CDC40: variants seen among roughly 807,000 people sequenced by gnomAD.
The protein encoded by CDC40 is cell division cycle 40.
Under a neutral mutation model 80.6 loss-of-function variants are expected in CDC40, and 27 were observed. The ratio of observed to expected loss-of-function variants is 0.33; its 90% CI spans 0.25 to 0.46. The LOEUF (loss-of-function observed/expected upper bound fraction) is 0.46, where lower values mean the gene tolerates loss of function less well. CDC40 is among the 20% of genes least tolerant of loss of function. The probability of loss-of-function intolerance (pLI) is 1.00; values close to 1 mark genes in which losing one functional copy is unlikely to be tolerated. For synonymous variants in CDC40, 221 were observed against 232.6 expected, an observed-to-expected ratio of 0.95 and a Z score of 0.45; for missense variants, 486 against 694.1, an observed-to-expected ratio of 0.70 and a Z score of 3.37.
intron 1 of CDC40, among the ~76,000 whole-genome samples, chr6:110,190,030 T>G (rs1223895039): frequency 6.6e-6 from 1 of 152,242 alleles, no homozygotes; most frequent in African/African-American, 2.4e-5. Flanking sequence ...CAATTTAATT[T>G]AACAAATATT....
intron 2 of CDC40, among the ~76,000 whole-genome samples, chr6:110,199,824 C>T (rs1052460468): frequency 6.6e-6 from 1 of 152,080 alleles, no homozygotes; most frequent in African/African-American, 2.4e-5. Context: ...ATGCCCCCTC[C>T]ACCCCACCTC....
chr6:110,191,392 C>T (rs1379127417), intron 1 of CDC40, among the ~76,000 whole-genome samples: 1 of 152,048 alleles, frequency 6.6e-6, no homozygotes, highest in East Asian at 1.9e-4. Context: ...AACAAGAGGC[C>T]AGCAGATTAA....
chr6:110,181,279 G>A (rs1237375535), intron 1 of CDC40, among the ~76,000 whole-genome samples: 1 of 152,232 alleles, frequency 6.6e-6, no homozygotes, highest in African/African-American at 2.4e-5. Flanking sequence ...CTCAATGGAG[G>A]AAGCTGATTA....
rs187084187 is a variant in CDC40, at chr6:110,197,662, C to A, written c.277-3896C>A. Among the ~76,000 whole-genome samples, 296 of 120,356 alleles carry A rather than the reference C, an allele frequency of 2.5e-3. 2 individuals are homozygous for A. The highest frequency in any genetic ancestry group is 9.0e-3 in the African/African-American group (287 of 31,732). 79.0% of individuals were successfully genotyped at this position (120,356 alleles called of 152,430 possible). A position where few individuals can be genotyped will look rare whatever the true frequency, so the allele number is the denominator to read the frequency against. ...CTTCTATGAGGTCAACTTTTTGAAT[C>A]CCACATGTGGGATCATGTGATACTT... On this transcript the variant is annotated intron_variant, in intron 2 of 14. Transcript: ENST00000307731.
intron 10 of CDC40, among the ~76,000 whole-genome samples, chr6:110,218,464 TTATTA>T (rs1248009114): frequency 1.3e-4 from 20 of 152,282 alleles, no homozygotes; most frequent in Admixed American, 3.3e-4. Context: ...GTAAGTACTA[TTATTA>T]TATTATAGAT....
chr6:110,222,563 A>G (rs530430980), intron 12 of CDC40, among the ~76,000 whole-genome samples: 1 of 151,908 alleles, frequency 6.6e-6, no homozygotes, highest in Non-Finnish European at 1.5e-5. Context: ...TCTCAAAAAC[A>G]AAAAAAACAA....
At chr6:110,185,494 G>A (rs1584059111) in intron 1 of CDC40, among the ~76,000 whole-genome samples, 3 of 151,866 alleles carry the variant, frequency 2.0e-5, no homozygotes, top group Admixed American at 1.3e-4. Context: ...CGCCCGCCTC[G>A]GCCTCCCAAA....
intron 1 of CDC40, among the ~76,000 whole-genome samples, chr6:110,191,346 A>G (rs1777346689): frequency 6.6e-6 from 1 of 152,196 alleles, no homozygotes; most frequent in African/African-American, 2.4e-5. Context: ...ACTTTGCATT[A>G]TCTTTGCATT....
At chr6:110,215,209 G>T in intron 8 of CDC40, 77 bp from the exon 9 acceptor site, 1 of 1,103,698 alleles carries the variant, frequency 9.1e-7, no homozygotes. Flanking sequence ...CACATAACCA[G>T]CATAGGGCTG....
intron 3 of CDC40, among the ~76,000 whole-genome samples, chr6:110,204,024 AT>A (rs563633385): frequency 1.3e-5 from 2 of 151,772 alleles, no homozygotes; most frequent in African/African-American, 4.8e-5. Flanking sequence ...TTTTTATTTT[AT>A]TTTTTTTGAG....
intron 12 of CDC40, among the ~76,000 whole-genome samples, chr6:110,222,027 G>GCA (rs1777784329): frequency 6.6e-6 from 1 of 151,660 alleles, no homozygotes; most frequent in African/African-American, 2.4e-5. Context: ...AGGCTGAGTT[G>GCA]GGTGGATCAC....
In CDC40 at chr6:110,213,386, TG is replaced by T. The variant is rs1375213934; in HGVS notation, c.942+227del. ...TTTTTTTGTTGTTGTTTTTGTTTTTTGTTTTTTTGTTTTTTTTTTTTGAGAT... is the reference window on the plus strand; with the variant it reads ...TTTTTTTGTTGTTGTTTTTGTTTTTTTTTTTTTGTTTTTTTTTTTTGAGAT... On this transcript the variant is annotated intron_variant, in intron 8 of 14. Coordinates refer to ENST00000307731, the MANE Select transcript of CDC40 (RefSeq NM_015891.3). Among the ~76,000 whole-genome samples, 197 of 150,532 alleles carry T rather than the reference TG, an allele frequency of 1.3e-3. 1 individual carries two copies. The highest frequency in any genetic ancestry group is 4.7e-3 in the African/African-American group (192 of 40,732).
chr6:110,222,515 C>T (rs1777791160), intron 12 of CDC40, among the ~76,000 whole-genome samples: 1 of 152,084 alleles, frequency 6.6e-6, no homozygotes, highest in Non-Finnish European at 1.5e-5. Flanking sequence ...TGAGATCATG[C>T]CATTGCACTC....
chr6:110,181,501 C>A (rs1190217375), intron 1 of CDC40, among the ~76,000 whole-genome samples: 1 of 152,172 alleles, frequency 6.6e-6, no homozygotes, highest in African/African-American at 2.4e-5. Context: ...TGTATCATGT[C>A]CCCAAGTCTA....
At chr6:110,194,564 G>A (rs900246408) in intron 2 of CDC40, among the ~76,000 whole-genome samples, 2 of 152,134 alleles carry the variant, frequency 1.3e-5, no homozygotes, top group Non-Finnish European at 2.9e-5. Flanking sequence ...GCTCTGACAC[G>A]ACGGCACATT....
chr6:110,182,426 T>C (rs1777210501), intron 1 of CDC40, among the ~76,000 whole-genome samples: 1 of 152,218 alleles, frequency 6.6e-6, no homozygotes, highest in Non-Finnish European at 1.5e-5. Flanking sequence ...AAAAATTATT[T>C]TCTTTCCCTC....
At chr6:110,193,505 C>T (rs1278697227) in intron 2 of CDC40, among the ~76,000 whole-genome samples, 1 of 151,944 alleles carries the variant, frequency 6.6e-6, no homozygotes, top group Non-Finnish European at 1.5e-5. Context: ...CCTGGGTTCA[C>T]ACCATTCTCC....
At chr6:110,204,401 GT>G (rs1340517008) in intron 3 of CDC40, among the ~76,000 whole-genome samples, 3 of 152,082 alleles carry the variant, frequency 2.0e-5, no homozygotes, top group African/African-American at 7.2e-5. Flanking sequence ...TTAGATTTCA[GT>G]TTGATTCCAG....
At chr6:110,192,999 AAG>A (rs1202459694) in intron 1 of CDC40, among the ~76,000 whole-genome samples, 181 bp from the exon 2 acceptor site, 9 of 152,220 alleles carry the variant, frequency 5.9e-5, no homozygotes, top group Non-Finnish European at 1.2e-4. Flanking sequence ...GTATTTCAAA[AAG>A]AAACTTTTTT....
Sources: allele counts gnomAD v4.1 joint callset (sites outside exome capture counted in the v4.1 genomes callset), GRCh38; gene constraint gnomAD v4.1.1; transcripts MANE v1.5; gene names NCBI Gene and HGNC (gene_info 2026-07-23, HGNC 2026-07-21).